The following HIF3A variants were observed in gnomAD, a reference collection of about 807,000 sequenced individuals.
HIF3A encodes hypoxia-inducible factor 3-alpha.
Under a neutral mutation model 67.2 loss-of-function variants are expected in HIF3A, and 41 were observed. That is an observed-to-expected ratio of 0.61 (90% confidence interval 0.48 to 0.79). HIF3A has a LOEUF of 0.79. Ranked by LOEUF, HIF3A falls within the 30% of genes least tolerant of loss-of-function variation. HIF3A has a pLI of 0.00. For synonymous variants in HIF3A, 356 were observed against 374.8 expected (o/e 0.95, Z 0.58); for missense variants, 855 against 898.0 (o/e 0.95, Z 0.61).
intron 14 of HIF3A, among the ~76,000 whole-genome samples, chr19:46,335,420 C>T (rs915541836): frequency 6.6e-6 from 1 of 151,972 alleles, no homozygotes; most frequent in Non-Finnish European, 1.5e-5. Flanking sequence ...CAGGTGTGTG[C>T]CACCACACCT....
rs73940658 is a variant in HIF3A, at chr19:46,303,156, A to G, written c.27-742A>G. 4.9e-3 allele frequency among the ~76,000 whole-genome samples: 741 copies of G among 152,340 alleles called. 8 individuals are homozygous for G. The highest frequency in any genetic ancestry group is 0.017 in the African/African-American group (688 of 41,580). On this transcript the variant is annotated intron_variant, in intron 1 of 14. Transcript: ENST00000377670. ...TGGCCTGAGCATTAGGCGGGTTAATATAAGTTTCGCACTTGGCACTGGGAG... is the reference window on the plus strand; with the variant it reads ...TGGCCTGAGCATTAGGCGGGTTAATGTAAGTTTCGCACTTGGCACTGGGAG...
chr19:46,339,008 T>C (rs1415633945), intron 14 of HIF3A, among the ~76,000 whole-genome samples: 1 of 152,184 alleles, frequency 6.6e-6, no homozygotes, highest in Non-Finnish European at 1.5e-5. Context: ...CTTTAATTGA[T>C]AGTACCCCCC....
Position 46,329,354 on chromosome 19 carries a change from C to G in HIF3A, c.1588C>G (p.Leu530Val). The change falls in exon 12 of 15, where the codon CTG becomes GTG. Residue 530 changes from leucine (L) to valine (V), a missense_variant. Transcript: ENST00000377670. ...GCCCCGTGCTCGGAGCTTCCATGGC[C>G]TGTCACCTCCAGCCCTTGAGCCCTC... Reference protein sequence around the residue: ...PRPRARSFHGLSPPALEPSLL... With the variant: ...PRPRARSFHGVSPPALEPSLL... The G allele has an allele frequency of 6.2e-7, 1 of 1,613,120 alleles. No homozygotes were observed. The highest frequency in any genetic ancestry group is 1.3e-5 in the African/African-American group (1 of 75,050).
At chr19:46,312,764 A>G in intron 8 of HIF3A, 111 bp downstream of exon 8, 2 of 1,471,024 alleles carry the variant, frequency 1.4e-6, no homozygotes, top group Admixed American at 5.3e-5. Flanking sequence ...TGTATCATGC[A>G]TAAGTGTATG....
chr19:46,335,590 G>C (rs1044342542), intron 14 of HIF3A, among the ~76,000 whole-genome samples: 1 of 151,988 alleles, frequency 6.6e-6, no homozygotes, highest in African/African-American at 2.4e-5. Flanking sequence ...TTTTTAATTG[G>C]CTGGGCATGG....
intron 8 of HIF3A, chr19:46,312,878 GTTAATTTTTTTTTT>G: frequency 4.8e-6 from 4 of 838,270 alleles, no homozygotes; most frequent in Non-Finnish European, 4.2e-6. Flanking sequence ...TGTGTAGACT[GTTAATTTTTTTTTT>G]TTTTTTTTTT....
At position 46,339,963 on chromosome 19, in the gene HIF3A, G is replaced by A. The variant is rs1257744296; in HGVS notation, c.*341G>A. The A allele has an allele frequency of 4.0e-6, 1 of 251,262 alleles. No individual in the cohort carries two copies. Among genetic ancestry groups the A allele is most frequent in the Non-Finnish European group, 7.5e-6 (1 of 133,382 alleles). 15.6% of individuals were successfully genotyped at this position (251,262 alleles called of 1,614,324 possible). A position where few individuals can be genotyped will look rare whatever the true frequency, so the allele number is the denominator to read the frequency against. ...TTTTGGGGAATCAGGGGTGAGGAGG[G>A]TTGGGGGGGTCATATCTGTGTTTCC... On this transcript the variant is annotated 3_prime_UTR_variant, in exon 15 of 15. Transcript: ENST00000377670.
intron 8 of HIF3A, chr19:46,313,084 T>C (rs1969605127): frequency 5.5e-6 from 4 of 729,964 alleles, no homozygotes; most frequent in Admixed American, 6.3e-5. Context: ...ATGCTGTTTC[T>C]ACTAATAATA....
intron 5 of HIF3A, 132 bp downstream of exon 5, chr19:46,308,907 A>G: frequency 7.3e-6 from 5 of 686,786 alleles, no homozygotes; most frequent in Non-Finnish European, 1.2e-5. Context: ...GGTCAGGTCT[A>G]GCGGGTCTCA....
chr19:46,333,682 C>T (rs570907266), intron 13 of HIF3A, among the ~76,000 whole-genome samples: 40 of 151,924 alleles, frequency 2.6e-4, no homozygotes, highest in Non-Finnish European at 3.7e-4. Flanking sequence ...GGCCACTGGA[C>T]CTCAGCATCC....
intron 1 of HIF3A, chr19:46,303,610 G>A (rs1968523410): frequency 6.4e-7 from 1 of 1,563,022 alleles, no homozygotes; most frequent in African/African-American, 1.3e-5. Flanking sequence ...GATAAGTCAG[G>A]GAGGGGACAG....
At chr19:46,322,492 T>C (rs940686694) in intron 10 of HIF3A, among the ~76,000 whole-genome samples, 5 of 152,214 alleles carry the variant, frequency 3.3e-5, no homozygotes. Context: ...CAGGCTGGAA[T>C]GCAGTGGCGC....
Position 46,297,151 on chromosome 19 carries a change from C to T in HIF3A, c.26+49C>T. The T allele has an allele frequency of 1.2e-5, 12 of 1,008,262 alleles. No individual in the cohort carries two copies. The highest frequency in any genetic ancestry group is 1.6e-5 in the Non-Finnish European group (12 of 751,210). The allele number at this position is 1,008,262 out of a possible 1,614,324, so 62.5% of individuals were successfully genotyped here. ...TTCTGGGAATTGGGGGGCTCTCCTC[C>T]TGGAGACCCCTGAGCTGGATTGTTG... On this transcript the variant is annotated intron_variant, in intron 1 of 14. Transcript: ENST00000377670. This position sits in a 1 kb window ranked among gnomAD's most constrained non-coding sequence, Gnocchi z 4.5.
At chr19:46,299,791 A>G (rs1173898566) in intron 1 of HIF3A, among the ~76,000 whole-genome samples, 2 of 151,148 alleles carry the variant, frequency 1.3e-5, no homozygotes, top group African/African-American at 4.9e-5. Flanking sequence ...GATCAAGATG[A>G]GGAGCCAGTA....
chr19:46,319,541 GT>G (rs1970196305), intron 8 of HIF3A, among the ~76,000 whole-genome samples: 1 of 152,092 alleles, frequency 6.6e-6, no homozygotes, highest in African/African-American at 2.4e-5. Context: ...GTTCCCTTGA[GT>G]ATGAAAAACA....
At chr19:46,336,085 CTTTTTTTTT>C (rs1017798750) in intron 14 of HIF3A, among the ~76,000 whole-genome samples, 56 of 79,394 alleles carry the variant, frequency 7.1e-4, no homozygotes, top group South Asian at 1.5e-3. Context: ...CTCTCTCTCT[CTTTTTTTTT>C]TTTTTTTTTT....
intron 14 of HIF3A, among the ~76,000 whole-genome samples, chr19:46,336,082 T>A (rs1971588082): frequency 7.6e-6 from 1 of 131,474 alleles, no homozygotes; most frequent in African/African-American, 2.8e-5. Flanking sequence ...TCTCTCTCTC[T>A]CTCTTTTTTT....
rs1970384638 is a variant in HIF3A at position 46,321,779 on chromosome 19, C to A, written c.1148C>A (p.Thr383Asn). ...DTPNPGDSLD[T>N]PGPRILAFLH... ...CCCATCTCCATGTGTCCTGCAGACACCCCTGGCCCCCGGATCCTTGCCTTC... is the reference window on the plus strand; with the variant it reads ...CCCATCTCCATGTGTCCTGCAGACAACCCTGGCCCCCGGATCCTTGCCTTC... Residue 383 changes from threonine (T) to asparagine (N), a missense_variant, in exon 10 of 15, where the codon ACC becomes AAC. Around this residue, in one of 3 missense-constraint regions of HIF3A, gnomAD observed 638 missense variants for 660.5 expected, o/e 0.97. Coordinates refer to ENST00000377670, the MANE Select transcript of HIF3A (RefSeq NM_152795.4). The A allele has an allele frequency of 1.2e-6, 2 of 1,612,920 alleles. No homozygotes were observed. The highest frequency in any genetic ancestry group is 1.7e-6 in the Non-Finnish European group (2 of 1,179,656).
chr19:46,327,615 A>G (rs2147266580), intron 11 of HIF3A, among the ~76,000 whole-genome samples: 1 of 152,226 alleles, frequency 6.6e-6, no homozygotes, highest in Admixed American at 6.5e-5. Context: ...GGTTCTCCAG[A>G]CTGCCAAGTC....
Sources: allele counts gnomAD v4.1 joint callset (sites outside exome capture counted in the v4.1 genomes callset), GRCh38; gene constraint gnomAD v4.1.1; regional missense constraint gnomAD v4.1.1; non-coding constraint Gnocchi (gnomAD v3.1); transcripts MANE v1.5; gene names NCBI Gene and HGNC (gene_info 2026-07-23, HGNC 2026-07-21).